FAM216A: variants seen among roughly 807,000 people sequenced by gnomAD.
The protein encoded by FAM216A is family with sequence similarity 216 member A.
In FAM216A, 26 loss-of-function variants were observed where a neutral mutation model predicts 37.6. The ratio of observed to expected loss-of-function variants is 0.69; its 90% CI spans 0.51 to 0.96. FAM216A has a LOEUF of 0.96. Among genes scored for constraint, FAM216A ranks in the 40% least tolerant of loss-of-function variants. FAM216A has a pLI of 0.00. For missense variants in FAM216A, 326 were observed against 339.3 expected, an observed-to-expected ratio of 0.96 and a Z score of 0.31; for synonymous variants, 110 against 121.7, an observed-to-expected ratio of 0.90 and a Z score of 0.64.
At chr12:110,480,649 G>A (rs2062742160) in intron 2 of FAM216A, among the ~76,000 whole-genome samples, 1 of 152,002 alleles carries the variant, frequency 6.6e-6, no homozygotes, top group Non-Finnish European at 1.5e-5. Context: ...ACATTTCAGT[G>A]GCATTAAGTA....
chr12:110,468,542 C>G (rs548514583), upstream of FAM216A: 93 of 1,537,328 alleles, frequency 6.0e-5, 2 homozygotes, highest in South Asian at 1.1e-3. Flanking sequence ...GGTTTGCGTG[C>G]AGACGTTTGA....
At chr12:110,480,314 C>T (rs1250397193) in intron 2 of FAM216A, among the ~76,000 whole-genome samples, 7 of 150,220 alleles carry the variant, frequency 4.7e-5, no homozygotes, top group Admixed American at 1.4e-4. Context: ...CGCCATTCTC[C>T]TGCCTCAGCC....
intron 2 of FAM216A, among the ~76,000 whole-genome samples, chr12:110,473,822 A>T (rs958086437): frequency 6.6e-6 from 1 of 152,232 alleles, no homozygotes; most frequent in Non-Finnish European, 1.5e-5. Context: ...AGAGCTTTCA[A>T]AGTATTCACC....
chr12:110,468,943 CG>C lies in FAM216A; in HGVS notation c.72del (p.Ser25ProfsTer46). On this transcript the variant is annotated frameshift_variant, in exon 1 of 7. Transcript: ENST00000377673. LOFTEE classifies it high-confidence loss of function. Reference sequence around the variant, plus strand: ...GCCGCGGAGATGCCCGGCCAGGGTCCGGGGTCCGACTGGACGGAGCGTAGCT... The same window carrying C: ...GCCGCGGAGATGCCCGGCCAGGGTCCGGGTCCGACTGGACGGAGCGTAGCT... ...LGAAEMPGQG[P>X]GSDWTERSSS... 1 of 1,524,732 alleles carries C rather than the reference CG, an allele frequency of 6.6e-7. No individual in the cohort carries two copies. The highest frequency in any genetic ancestry group is 8.8e-7 in the Non-Finnish European group (1 of 1,139,426). The allele number at this position is 1,524,732 out of a possible 1,614,324, so 94.5% of individuals were successfully genotyped here.
upstream of FAM216A, chr12:110,468,444 C>A: frequency 6.5e-7 from 1 of 1,535,128 alleles, no homozygotes. Flanking sequence ...GGAAATCGGC[C>A]GTTGGGATGC....
In FAM216A at chr12:110,486,717, G is replaced by T; in HGVS notation, c.620G>T (p.Gly207Val). Residue 207 changes from glycine to valine, a missense_variant and splice_region_variant, in exon 5 of 7, where the codon GGG becomes GTG. Gly to Val is a moderately radical substitution (Grantham distance 109, BLOSUM62 -3). Transcript: ENST00000377673. ...TGGCGGCCAGTGAGAAACAAAGAAG[G>T]GTCTGTTTCTTAGTGTAAAAGGGGG... ...SLWRPVRNKE[G>V]IKTGYASKTR... 1 of 1,610,524 alleles carries T rather than the reference G, an allele frequency of 6.2e-7. No individual in the cohort carries two copies. The highest frequency in any genetic ancestry group is 8.5e-7 in the Non-Finnish European group (1 of 1,178,622).
chr12:110,479,032 A>C (rs1174539843), intron 2 of FAM216A, among the ~76,000 whole-genome samples: 1 of 152,062 alleles, frequency 6.6e-6, no homozygotes, highest in African/African-American at 2.4e-5. Flanking sequence ...TACTAAAAAT[A>C]CAAAAAATTA....
At chr12:110,476,561 C>T (rs2062715935) in intron 2 of FAM216A, among the ~76,000 whole-genome samples, 1 of 151,000 alleles carries the variant, frequency 6.6e-6, no homozygotes, top group Non-Finnish European at 1.5e-5. Flanking sequence ...AAGTCTCACT[C>T]TGTCGCCCAG....
At chr12:110,469,125 C>CG (rs2062662203) in intron 1 of FAM216A, 107 bp downstream of exon 1, 3 of 1,260,960 alleles carry the variant, frequency 2.4e-6, no homozygotes, top group South Asian at 2.0e-5. Context: ...CCTCTCGTCT[C>CG]GGGGGCTGGC....
chr12:110,486,800 A>G (rs2062779721), intron 5 of FAM216A, 83 bp downstream of exon 5: 1 of 1,246,062 alleles, frequency 8.0e-7, no homozygotes, highest in Non-Finnish European at 1.1e-6. Flanking sequence ...TCTCTCACCC[A>G]GGCTGGAGTG....
At chr12:110,478,914 C>G (rs959421915) in intron 2 of FAM216A, among the ~76,000 whole-genome samples, 1 of 152,168 alleles carries the variant, frequency 6.6e-6, no homozygotes, top group Admixed American at 6.6e-5. Context: ...TAAGGCCGGG[C>G]GCGGTGGCTC....
intron 5 of FAM216A, 96 bp from the exon 6 acceptor site, chr12:110,487,762 ATGT>A: frequency 1.3e-6 from 1 of 745,026 alleles, no homozygotes; most frequent in Non-Finnish European, 2.4e-6. Context: ...CTTTTTGGTG[ATGT>A]TGGCAGCTAA....
upstream of FAM216A, chr12:110,468,429 T>C (rs1333772722): frequency 2.6e-6 from 4 of 1,534,656 alleles, no homozygotes; most frequent in East Asian, 2.4e-5. Flanking sequence ...GCAAAAGTAG[T>C]TGATGGAAAT....
intron 1 of FAM216A, among the ~76,000 whole-genome samples, chr12:110,470,088 A>C (rs1366007986): frequency 6.8e-6 from 1 of 147,498 alleles, no homozygotes; most frequent in African/African-American, 2.5e-5. Flanking sequence ...TGTTGCACCC[A>C]TGGCCATCCT....
At chr12:110,483,054 G>A (rs759212310) in intron 2 of FAM216A, among the ~76,000 whole-genome samples, 5 of 152,018 alleles carry the variant, frequency 3.3e-5, no homozygotes, top group East Asian at 1.9e-4. Context: ...GGCCAGGCGC[G>A]GTGGCTCATG....
chr12:110,471,492 G>A (rs1022911212), intron 1 of FAM216A, among the ~76,000 whole-genome samples: 1 of 152,118 alleles, frequency 6.6e-6, no homozygotes, highest in Non-Finnish European at 1.5e-5. Context: ...ACATGGCTAT[G>A]TAAGCACTGC....
chr12:110,475,496 C>T (rs1022356124), intron 2 of FAM216A, among the ~76,000 whole-genome samples: 2 of 152,140 alleles, frequency 1.3e-5, no homozygotes, highest in South Asian at 4.1e-4. Flanking sequence ...CCCGCCTTGG[C>T]CTCCCAAAGT....
chr12:110,473,000 A>ATT, intron 1 of FAM216A, 78 bp from the exon 2 acceptor site: 1 of 620,100 alleles, frequency 1.6e-6, no homozygotes, highest in Non-Finnish European at 2.6e-6. Flanking sequence ...AAAAAAAAAA[A>ATT]AAAATTGAAA....
At chr12:110,478,917 G>A (rs182849556) in intron 2 of FAM216A, among the ~76,000 whole-genome samples, 1 of 152,018 alleles carries the variant, frequency 6.6e-6, no homozygotes, top group Non-Finnish European at 1.5e-5. Flanking sequence ...GGCCGGGCGC[G>A]GTGGCTCACG....
Sources: allele counts gnomAD v4.1 joint callset (sites outside exome capture counted in the v4.1 genomes callset), GRCh38; gene constraint gnomAD v4.1.1; transcripts MANE v1.5; gene names NCBI Gene and HGNC (gene_info 2026-07-23, HGNC 2026-07-21).